Variants in RALA observed in about 807,000 individuals in gnomAD.
RALA encodes the protein ras-related protein Ral-A.
RALA carries 5 observed loss-of-function variants against 24.0 expected under a neutral mutation model. The ratio of observed to expected loss-of-function variants is 0.21; its 90% CI spans 0.11 to 0.44. The LOEUF (loss-of-function observed/expected upper bound fraction) is 0.44. RALA is among the 20% of genes least tolerant of loss of function. RALA has a pLI of 0.99. For synonymous variants in RALA, 77 were observed against 83.8 expected (o/e 0.92, Z 0.44); for missense variants, 95 against 241.2 (o/e 0.39, Z 4.01).
At chr7:39,675,410 A>G (rs961485701) in intron 1 of RALA, among the ~76,000 whole-genome samples, 2 of 152,154 alleles carry the variant, frequency 1.3e-5, no homozygotes, top group East Asian at 1.9e-4. Context: ...CTCAACCTGT[A>G]TTGATGATAC....
chr7:39,670,029 A>T (rs1281071254), intron 1 of RALA, among the ~76,000 whole-genome samples: 1 of 152,188 alleles, frequency 6.6e-6, no homozygotes, highest in Non-Finnish European at 1.5e-5. Context: ...CAGAAACTCA[A>T]ACTACCAGGC....
chr7:39,647,061 G>A (rs1191632835), intron 1 of RALA, among the ~76,000 whole-genome samples: 1 of 151,866 alleles, frequency 6.6e-6, no homozygotes, highest in Admixed American at 6.6e-5. Flanking sequence ...ATTTATTTTG[G>A]GGACAGGGTC....
At chr7:39,694,541 G>T (rs1204810767) in intron 3 of RALA, among the ~76,000 whole-genome samples, 1 of 152,106 alleles carries the variant, frequency 6.6e-6, no homozygotes, top group Non-Finnish European at 1.5e-5. Context: ...GAATAATAAT[G>T]ATACTAACTT....
At position 39,688,598 on chromosome 7, in the gene RALA, T is replaced by TC. The variant is rs70996834; in HGVS notation, c.115-1784_115-1783insC. 1.8e-3 allele frequency among the ~76,000 whole-genome samples: 273 copies of TC among 148,904 alleles called. 1 individual carries two copies. The highest frequency in any genetic ancestry group is 6.4e-3 in the African/African-American group (257 of 40,396). Reference sequence around the variant, plus strand: ...TGCCTAATTTTTTTTTTTTTTTTTTTAAAGATAACGTCTTGCTCTGTTGCC... The same window carrying TC: ...TGCCTAATTTTTTTTTTTTTTTTTTTCAAAGATAACGTCTTGCTCTGTTGCC... On this transcript the variant is annotated intron_variant, in intron 2 of 4. Coordinates refer to ENST00000005257, the MANE Select transcript of RALA (RefSeq NM_005402.4).
chr7:39,669,111 T>C (rs963932638), intron 1 of RALA, among the ~76,000 whole-genome samples: 2 of 152,100 alleles, frequency 1.3e-5, no homozygotes, highest in African/African-American at 2.4e-5. Flanking sequence ...AGATTCTGTC[T>C]GAATAAATAA....
chr7:39,704,176 A>G lies in RALA; in HGVS notation c.499-1947A>G, dbSNP rs539259987. Among the ~76,000 whole-genome samples, 14 of 144,404 alleles carry G rather than the reference A, an allele frequency of 9.7e-5. 1 individual carries two copies. In the South Asian group the frequency reaches 2.7e-3, roughly 28 times the overall value. The allele number at this position is 144,404 out of a possible 152,430, so 94.7% of individuals were successfully genotyped here. A position where few individuals can be genotyped will look rare whatever the true frequency, so the allele number is the denominator to read the frequency against. On this transcript the variant is annotated intron_variant, in intron 4 of 4. Transcript: ENST00000005257. The stretch of plus-strand genomic sequence containing the variant: ...GACTCTCTCAAAAAAAAAAAAAAAA[A>G]AAGAAGTTTAAGATTTGTCTTTGTT...
intron 1 of RALA, among the ~76,000 whole-genome samples, chr7:39,634,584 A>G (rs1791654130): frequency 6.6e-6 from 1 of 152,178 alleles, no homozygotes; most frequent in South Asian, 2.1e-4. Flanking sequence ...CTGGGACACC[A>G]GCCCTAGTCA....
chr7:39,640,871 A>G (rs1791802232), intron 1 of RALA, among the ~76,000 whole-genome samples: 2 of 152,224 alleles, frequency 1.3e-5, no homozygotes, highest in African/African-American at 4.8e-5. Context: ...AATCCAGTTC[A>G]GCAAAACAGA....
chr7:39,684,628 C>T (rs1792665105), intron 1 of RALA, among the ~76,000 whole-genome samples: 1 of 151,114 alleles, frequency 6.6e-6, no homozygotes, highest in South Asian at 2.1e-4. Context: ...GCAGGGGTGT[C>T]CAATCTTCTG....
chr7:39,683,792 G>A lies in RALA; in HGVS notation c.-37-2839G>A, dbSNP rs1792646747. Among the ~76,000 whole-genome samples the A allele has an allele frequency of 2.0e-5, 3 of 151,688 alleles. No individual in the cohort carries two copies. In the South Asian group the frequency reaches 6.2e-4, roughly 32 times the overall value. On this transcript the variant is annotated intron_variant, in intron 1 of 4. Coordinates refer to ENST00000005257, the MANE Select transcript of RALA (RefSeq NM_005402.4). Reference sequence around the variant, plus strand: ...ATTGTGTTTTAAATTATTCTAGAAGGAAAAGTGTTTTAACCCAGTTGTAGT... The same window carrying A: ...ATTGTGTTTTAAATTATTCTAGAAGAAAAAGTGTTTTAACCCAGTTGTAGT...
intron 1 of RALA, among the ~76,000 whole-genome samples, chr7:39,675,017 G>C (rs1474654159): frequency 6.6e-6 from 1 of 151,894 alleles, no homozygotes; most frequent in Non-Finnish European, 1.5e-5. Context: ...GTGGAGACGG[G>C]GTTTCACCAT....
intron 1 of RALA, among the ~76,000 whole-genome samples, chr7:39,658,545 C>T (rs1792133748): frequency 6.6e-6 from 1 of 151,800 alleles, no homozygotes; most frequent in African/African-American, 2.4e-5. Context: ...TGATTTTTAA[C>T]CAGAGATATG....
intron 1 of RALA, among the ~76,000 whole-genome samples, chr7:39,629,525 C>T (rs973736800): frequency 6.6e-6 from 1 of 152,150 alleles, no homozygotes; most frequent in Non-Finnish European, 1.5e-5. Context: ...AGCGATTCTC[C>T]TGCCTCAGCC....
At chr7:39,699,714 C>T (rs1362231267) in intron 4 of RALA, among the ~76,000 whole-genome samples, 12 of 152,208 alleles carry the variant, frequency 7.9e-5, no homozygotes, top group Admixed American at 2.6e-4. Flanking sequence ...AACACACATA[C>T]ATACACATTA....
intron 1 of RALA, among the ~76,000 whole-genome samples, chr7:39,659,236 A>G (rs1792144588): frequency 6.6e-6 from 1 of 152,146 alleles, no homozygotes; most frequent in African/African-American, 2.4e-5. Flanking sequence ...CTGAGATTGC[A>G]TTGCACCACT....
At chr7:39,689,553 G>T (rs1184907130) in intron 2 of RALA, among the ~76,000 whole-genome samples, 1 of 152,154 alleles carries the variant, frequency 6.6e-6, no homozygotes, top group Non-Finnish European at 1.5e-5. Context: ...ATCAGATAAT[G>T]AAAATATTTA....
At chr7:39,681,510 C>A (rs1562620897) in intron 1 of RALA, among the ~76,000 whole-genome samples, 1 of 151,670 alleles carries the variant, frequency 6.6e-6, no homozygotes, top group Non-Finnish European at 1.5e-5. Flanking sequence ...AATGACTCTT[C>A]CCAAGATTAA....
intron 1 of RALA, among the ~76,000 whole-genome samples, chr7:39,639,556 C>A (rs1473100879): frequency 6.6e-6 from 1 of 152,154 alleles, no homozygotes; most frequent in Non-Finnish European, 1.5e-5. Context: ...CATAGTGAGA[C>A]CCTGTTCCTT....
At chr7:39,673,417 A>G (rs954562743) in intron 1 of RALA, among the ~76,000 whole-genome samples, 7 of 152,094 alleles carry the variant, frequency 4.6e-5, no homozygotes, top group African/African-American at 1.7e-4. Context: ...TCATTTATTC[A>G]AGTCATGCTT....
Sources: gnomAD v4.1 joint callset for allele counts (sites outside exome capture counted in the v4.1 genomes callset) on GRCh38, gnomAD v4.1.1 for gene constraint, MANE v1.5 for transcripts, NCBI Gene and HGNC (gene_info 2026-07-23, HGNC 2026-07-21) for gene names.